Variants in ENPP3 observed in about 807,000 individuals in gnomAD.
ENPP3 encodes ectonucleotide pyrophosphatase/phosphodiesterase 3.
Under a neutral mutation model 117.8 loss-of-function variants are expected in ENPP3, and 104 were observed. The ratio of observed to expected loss-of-function variants is 0.88; its 90% confidence interval spans 0.75 to 1.04. The LOEUF is 1.04. Ranked by LOEUF, ENPP3 falls within the 50% of genes least tolerant of loss-of-function variation. The pLI is 0.00. For synonymous variants in ENPP3, 380 were observed against 349.9 expected (o/e 1.09, Z -0.96); for missense variants, 1,026 against 1,051.9 (o/e 0.98, Z 0.34).
intron 1 of ENPP3, among the ~76,000 whole-genome samples, chr6:131,639,907 T>C (rs1435291817): frequency 6.6e-6 from 1 of 152,028 alleles, no homozygotes; most frequent in Non-Finnish European, 1.5e-5. Context: ...TAAGAGGAGC[T>C]CTTGAGGCCA....
At chr6:131,723,823 TCTCTCACA>T (rs1244796070) in intron 18 of ENPP3, among the ~76,000 whole-genome samples, 7 of 143,078 alleles carry the variant, frequency 4.9e-5, no homozygotes, top group African/African-American at 2.1e-4. Context: ...TCTCTCTCTC[TCTCTCACA>T]CACACACACA....
At chr6:131,692,451 C>A (rs1373889656) in intron 14 of ENPP3, among the ~76,000 whole-genome samples, 1 of 151,770 alleles carries the variant, frequency 6.6e-6, no homozygotes, top group Non-Finnish European at 1.5e-5. Context: ...GATCGGAAAA[C>A]TAAGCAAATG....
chr6:131,728,526 G>T (rs1440780094), intron 20 of ENPP3, among the ~76,000 whole-genome samples: 1 of 152,158 alleles, frequency 6.6e-6, no homozygotes, highest in Non-Finnish European at 1.5e-5. Flanking sequence ...CCTGTGACAG[G>T]ATGGAATTCT....
At chr6:131,667,410 T>G (rs1778640296) in intron 6 of ENPP3, among the ~76,000 whole-genome samples, 1 of 152,208 alleles carries the variant, frequency 6.6e-6, no homozygotes, top group Non-Finnish European at 1.5e-5. Context: ...TTCTCTGTGC[T>G]GAGCCAAGAG....
At chr6:131,736,938 T>C (rs1780409533) in intron 21 of ENPP3, among the ~76,000 whole-genome samples, 1 of 152,142 alleles carries the variant, frequency 6.6e-6, no homozygotes, top group Admixed American at 6.6e-5. Flanking sequence ...CGTGTACTGG[T>C]ATCACTCAAA....
At chr6:131,729,340 A>C (rs1177392305) in intron 20 of ENPP3, among the ~76,000 whole-genome samples, 1 of 152,196 alleles carries the variant, frequency 6.6e-6, no homozygotes, top group Non-Finnish European at 1.5e-5. Context: ...TAATCTTCAA[A>C]CAAGTAGGTT....
chr6:131,720,239 GT>G (rs1562472289), intron 16 of ENPP3, 52 bp from the exon 17 acceptor site: 1 of 1,164,916 alleles, frequency 8.6e-7, no homozygotes, highest in Non-Finnish European at 1.2e-6. Flanking sequence ...TCCTATATTT[GT>G]TTTTGAATTT....
At chr6:131,648,498 A>C (rs1778195126) in intron 2 of ENPP3, among the ~76,000 whole-genome samples, 1 of 152,084 alleles carries the variant, frequency 6.6e-6, no homozygotes, top group Admixed American at 6.6e-5. Context: ...ACCACTTAAA[A>C]ATTTTTATTA....
intron 6 of ENPP3, among the ~76,000 whole-genome samples, chr6:131,670,210 A>G (rs902871015): frequency 6.6e-6 from 1 of 152,228 alleles, no homozygotes; most frequent in South Asian, 2.1e-4. Context: ...AAACAGTACT[A>G]CATGACATGG....
intron 15 of ENPP3, among the ~76,000 whole-genome samples, chr6:131,698,117 G>A (rs770309933): frequency 5.3e-5 from 8 of 152,052 alleles, no homozygotes; most frequent in Admixed American, 1.3e-4. Flanking sequence ...GTGTGTGTGC[G>A]TGTGTATGTG....
Position 131,740,302 on chromosome 6 carries a change from A to G in ENPP3, c.2379A>G (p.Thr793=). The G allele has an allele frequency of 6.2e-7, 1 of 1,613,410 alleles. No homozygotes were observed. The highest frequency in any genetic ancestry group is 8.5e-7 in the Non-Finnish European group (1 of 1,179,624). The change falls in exon 24 of 25, where the codon ACA becomes ACG. Residue 793 remains threonine (T), a synonymous_variant. Transcript: ENST00000357639. ...CCAGTTGTAAAAACAAGAGCCACAC[A>G]CCGGAAAACTGCCCTGGGTGGCTGG... ...VLTSCKNKSH[T]PENCPGWLDV...
intron 7 of ENPP3, among the ~76,000 whole-genome samples, chr6:131,672,348 A>G (rs952082002): frequency 3.3e-5 from 5 of 152,090 alleles, no homozygotes; most frequent in Non-Finnish European, 7.4e-5. Context: ...GTCCCCTTGC[A>G]TAGTGCTGAT....
chr6:131,667,896 T>C (rs981759228), intron 6 of ENPP3, among the ~76,000 whole-genome samples: 2 of 152,202 alleles, frequency 1.3e-5, no homozygotes, highest in Non-Finnish European at 2.9e-5. Flanking sequence ...TTCTTCTTTA[T>C]GTGCCAAGGG....
chr6:131,742,804 A>T (rs1471544638), intron 24 of ENPP3, among the ~76,000 whole-genome samples: 2 of 152,128 alleles, frequency 1.3e-5, no homozygotes, highest in Non-Finnish European at 2.9e-5. Flanking sequence ...CTAGAATTTC[A>T]TTCTTTTCCA....
At chr6:131,665,347 G>T (rs545139635) in intron 6 of ENPP3, among the ~76,000 whole-genome samples, 3 of 152,230 alleles carry the variant, frequency 2.0e-5, no homozygotes, top group South Asian at 4.1e-4. Flanking sequence ...TTTTGGTAAA[G>T]AAATTGTCAG....
intron 6 of ENPP3, 131 bp from the exon 7 acceptor site, chr6:131,671,117 C>G (rs948424296): frequency 2.0e-5 from 13 of 643,458 alleles, no homozygotes; most frequent in Non-Finnish European, 3.3e-5. Flanking sequence ...GAATTTCAAC[C>G]TCTTTCCATC....
At chr6:131,652,040 C>A (rs1456428446) in intron 3 of ENPP3, among the ~76,000 whole-genome samples, 1 of 152,170 alleles carries the variant, frequency 6.6e-6, no homozygotes, top group Non-Finnish European at 1.5e-5. Flanking sequence ...CTGGGAGAAC[C>A]CCTGAGGCAT....
Position 131,724,078 on chromosome 6 carries a change from C to T in ENPP3, c.1785C>T (p.Leu595=). ...QLEQVNQMLN[L]TQEEITATVK... is the part of the protein sequence containing the mutation. ...AACAAGTGAATCAGATGCTAAATCT[C>T]ACCCAAGAAGAAAGTAAGTCAATAG... The change falls in exon 19 of 25, where the codon CTC becomes CTT. Residue 595 remains leucine, a synonymous_variant. Transcript: ENST00000357639. 3.1e-6 allele frequency: 5 copies of T among 1,610,330 alleles called. No homozygotes were observed. The highest frequency in any genetic ancestry group is 4.2e-6 in the Non-Finnish European group (5 of 1,176,894).
intron 15 of ENPP3, among the ~76,000 whole-genome samples, chr6:131,697,476 A>G (rs1471012257): frequency 6.6e-6 from 1 of 151,792 alleles, no homozygotes; most frequent in African/African-American, 2.4e-5. Context: ...CATGACGTTT[A>G]TTGTGCACTT....
Sources: allele counts gnomAD v4.1 joint callset (sites outside exome capture counted in the v4.1 genomes callset), GRCh38; gene constraint gnomAD v4.1.1; transcripts MANE v1.5; gene names NCBI Gene and HGNC (gene_info 2026-07-23, HGNC 2026-07-21).